Variants in TBC1D32 observed in about 807,000 individuals in gnomAD.
The protein encoded by TBC1D32 is TBC1 domain family member 32.
In TBC1D32, 151 loss-of-function variants were observed where a neutral mutation model predicts 170.3. That is an observed-to-expected ratio of 0.89 (90% confidence interval 0.78 to 1.01). The LOEUF is 1.01. Ranked by LOEUF, TBC1D32 falls within the 50% of genes least tolerant of loss-of-function variation. The pLI is 0.00. For missense variants in TBC1D32, 1,464 were observed against 1,457.1 expected, an observed-to-expected ratio of 1.00 and a Z score of -0.08; for synonymous variants, 498 against 488.0, an observed-to-expected ratio of 1.02 and a Z score of -0.27.
chr6:121,240,418 C>A (rs1583350482), intron 19 of TBC1D32, among the ~76,000 whole-genome samples: 1 of 119,698 alleles, frequency 8.4e-6, no homozygotes, highest in Non-Finnish European at 1.6e-5. Flanking sequence ...ACAAGTAGTC[C>A]AAATTAGTTC....
intron 22 of TBC1D32, among the ~76,000 whole-genome samples, chr6:121,186,088 C>G (rs922715536): frequency 2.0e-5 from 3 of 152,018 alleles, no homozygotes; most frequent in African/African-American, 7.2e-5. Context: ...TGAAGCGTAG[C>G]GAGAAAGTTG....
At chr6:121,254,213 T>C (rs940474573) in intron 17 of TBC1D32, among the ~76,000 whole-genome samples, 11 of 152,118 alleles carry the variant, frequency 7.2e-5, no homozygotes, top group African/African-American at 1.4e-4. Flanking sequence ...ATAAGCATGA[T>C]ATAATGGACT....
At position 121,131,624 on chromosome 6, in the gene TBC1D32, T is replaced by G; in HGVS notation, c.2899+3A>C. 6.2e-7 allele frequency: 1 copy of G among 1,608,888 alleles called. No homozygotes were observed. On this transcript the variant is annotated splice_donor_region_variant and intron_variant, in intron 25 of 31. Transcript: ENST00000398212. ...AAACCCACAATGGAAACAATGTACT[T>G]ACCCTCTCCACTGATTATATCAGGT...
chr6:121,289,374 CA>C (rs1342370840), intron 12 of TBC1D32, among the ~76,000 whole-genome samples: 1 of 151,652 alleles, frequency 6.6e-6, no homozygotes, highest in East Asian at 1.9e-4. Flanking sequence ...GACAAACAGC[CA>C]AATCATGAGT....
intron 15 of TBC1D32, among the ~76,000 whole-genome samples, chr6:121,269,346 G>C (rs138358930): frequency 7.2e-5 from 11 of 152,208 alleles, no homozygotes; most frequent in African/African-American, 2.4e-4. Context: ...AGACCCATCA[G>C]TGTGCTATAT....
chr6:121,223,465 T>C (rs1291792908), intron 20 of TBC1D32, 113 bp from the exon 21 acceptor site: 2 of 719,486 alleles, frequency 2.8e-6, no homozygotes, highest in East Asian at 2.7e-5. Context: ...TTTTTAAATA[T>C]ACCTAATTCC....
chr6:121,291,066 G>A (rs1804771208), intron 12 of TBC1D32, among the ~76,000 whole-genome samples: 1 of 151,970 alleles, frequency 6.6e-6, no homozygotes, highest in Non-Finnish European at 1.5e-5. Flanking sequence ...GAGTTAATGG[G>A]TGCAGTTTAC....
intron 1 of TBC1D32, among the ~76,000 whole-genome samples, chr6:121,333,010 C>T (rs940453813): frequency 2.0e-5 from 3 of 152,142 alleles, no homozygotes; most frequent in Non-Finnish European, 2.9e-5. Context: ...ACTGTAAATA[C>T]TCCCCCTATA....
Position 121,299,435 on chromosome 6 carries a change from TAC to T in TBC1D32, c.1140+9_1140+10del, listed in dbSNP as rs745948819. The T allele has an allele frequency of 8.0e-6, 12 of 1,494,964 alleles. No homozygotes were observed. The Admixed American group carries it at 1.9e-4, about 23-fold the overall frequency. 92.6% of individuals were successfully genotyped at this position (1,494,964 alleles called of 1,614,324 possible). A position where few individuals can be genotyped will look rare whatever the true frequency, so the allele number is the denominator to read the frequency against. Reference sequence around the variant, plus strand: ...TTATTTCTCAACATAAAAACAGAATTACAGACTTACCAGAGACTTATATTTCG... The same window carrying T: ...TTATTTCTCAACATAAAAACAGAATTAGACTTACCAGAGACTTATATTTCG... On this transcript the variant is annotated intron_variant, in intron 10 of 31. Coordinates refer to ENST00000398212, the MANE Select transcript of TBC1D32 (RefSeq NM_152730.6).
At chr6:121,095,934 T>C (rs762053078) in intron 30 of TBC1D32, 3 of 152,348 alleles carry the variant, frequency 2.0e-5, no homozygotes, top group South Asian at 2.1e-4. Context: ...ATCAGGATGA[T>C]GCTGGCCTTA....
chr6:121,292,619 T>A (rs1805035657), intron 11 of TBC1D32, among the ~76,000 whole-genome samples: 1 of 152,136 alleles, frequency 6.6e-6, no homozygotes, highest in Admixed American at 6.6e-5. Flanking sequence ...ATCTCTACAA[T>A]ATAGACATCT....
chr6:121,085,079 T>G (rs951374135), intron 31 of TBC1D32, among the ~76,000 whole-genome samples: 3 of 151,330 alleles, frequency 2.0e-5, no homozygotes, highest in Non-Finnish European at 4.4e-5. Context: ...TTAACAAAAG[T>G]TAAAGACTTG....
chr6:121,080,998 G>GTGGGC, intron 31 of TBC1D32, 108 bp from the exon 32 acceptor site: 1 of 1,347,778 alleles, frequency 7.4e-7, no homozygotes, highest in Non-Finnish European at 1.0e-6. Context: ...TATAGATGGG[G>GTGGGC]TGGGCTGTTT....
intron 20 of TBC1D32, among the ~76,000 whole-genome samples, chr6:121,234,236 T>G (rs1260594035): frequency 6.6e-6 from 1 of 152,180 alleles, no homozygotes; most frequent in African/African-American, 2.4e-5. Context: ...TCTTTCAGTT[T>G]CTTGTATTTG....
chr6:121,307,836 TG>T, intron 5 of TBC1D32, 139 bp downstream of exon 5: 1 of 932,284 alleles, frequency 1.1e-6, no homozygotes, highest in Non-Finnish European at 1.5e-6. Flanking sequence ...CACTCCAGCC[TG>T]GGCAAAAAGA....
At chr6:121,103,721 C>T (rs1384014683) in intron 30 of TBC1D32, among the ~76,000 whole-genome samples, 1 of 151,832 alleles carries the variant, frequency 6.6e-6, no homozygotes, top group Non-Finnish European at 1.5e-5. Context: ...TACCCTAGAA[C>T]TTAAAGAATA....
At chr6:121,104,693 A>G (rs938965542) in intron 30 of TBC1D32, among the ~76,000 whole-genome samples, 2 of 151,800 alleles carry the variant, frequency 1.3e-5, no homozygotes, top group African/African-American at 2.4e-5. Flanking sequence ...ATCTCAAACT[A>G]CACTCACTGG....
chr6:121,295,755 T>C (rs1456464741), intron 10 of TBC1D32, among the ~76,000 whole-genome samples: 3 of 152,180 alleles, frequency 2.0e-5, no homozygotes, highest in Non-Finnish European at 2.9e-5. Context: ...AAGTTCATAA[T>C]TGTAGCGCCA....
chr6:121,296,953 G>A (rs1805736704), intron 10 of TBC1D32, among the ~76,000 whole-genome samples: 1 of 151,988 alleles, frequency 6.6e-6, no homozygotes, highest in Non-Finnish European at 1.5e-5. Flanking sequence ...TGAACCTTTA[G>A]AAATCCACCC....
Sources: gnomAD v4.1 joint callset for allele counts (sites outside exome capture counted in the v4.1 genomes callset) on GRCh38, gnomAD v4.1.1 for gene constraint, MANE v1.5 for transcripts, NCBI Gene and HGNC (gene_info 2026-07-23, HGNC 2026-07-21) for gene names.